The following GAD2 variants were observed in gnomAD, a reference collection of about 807,000 sequenced individuals.
The protein encoded by GAD2 is 65 kDa glutamic acid decarboxylase.
In GAD2, 22 loss-of-function variants were observed where a neutral mutation model predicts 80.1. The observed-to-expected ratio is 0.27, with a 90% CI of 0.20 to 0.39. GAD2 has a LOEUF of 0.39. Among genes scored for constraint, GAD2 ranks in the 10% least tolerant of loss-of-function variants. The pLI is 1.00. For missense variants in GAD2, 624 were observed against 738.4 expected, an observed-to-expected ratio of 0.85 and a Z score of 1.80; for synonymous variants, 274 against 256.9, an observed-to-expected ratio of 1.07 and a Z score of -0.64.
intron 8 of GAD2, among the ~76,000 whole-genome samples, chr10:26,264,778 A>T (rs1008223293): frequency 4.6e-5 from 7 of 152,324 alleles, no homozygotes; most frequent in African/African-American, 1.7e-4. Flanking sequence ...TAGTGCTGCT[A>T]TTATGTAAAC....
At chr10:26,258,601 A>G (rs1186867546) in intron 8 of GAD2, among the ~76,000 whole-genome samples, 11 of 152,052 alleles carry the variant, frequency 7.2e-5, no homozygotes, top group Admixed American at 5.9e-4. Flanking sequence ...TTTTACTACT[A>G]TGGGTACCTC....
intron 8 of GAD2, among the ~76,000 whole-genome samples, chr10:26,253,076 G>A (rs549240287): frequency 1.4e-3 from 207 of 152,166 alleles, no homozygotes; most frequent in African/African-American, 4.7e-3. Context: ...TTTGGACTAG[G>A]TTCTTTTAGA....
intron 4 of GAD2, among the ~76,000 whole-genome samples, chr10:26,222,552 C>G (rs962358874): frequency 6.6e-6 from 1 of 152,062 alleles, no homozygotes; most frequent in African/African-American, 2.4e-5. Flanking sequence ...AGCAAAAAAG[C>G]CTTCTCACCC....
chr10:26,229,877 C>G (rs1421286701), intron 7 of GAD2, 100 bp downstream of exon 7: 9 of 813,818 alleles, frequency 1.1e-5, no homozygotes, highest in Non-Finnish European at 1.8e-5. Flanking sequence ...GGCCCTCTTT[C>G]TGGAAGACAC....
At chr10:26,225,114 C>A (rs74129118) in intron 6 of GAD2, among the ~76,000 whole-genome samples, 2,697 of 152,306 alleles carry the variant, frequency 0.018, 91 homozygotes, top group African/African-American at 0.061. Flanking sequence ...AAATAACAAG[C>A]ACCAAAGTGG....
Position 26,245,966 on chromosome 10 carries a change from A to G in GAD2, c.886A>G (p.Thr296Ala), listed in dbSNP as rs1421524768. 6.2e-7 allele frequency: 1 copy of G among 1,614,044 alleles called. No homozygotes were observed. The highest frequency in any genetic ancestry group is 2.2e-5 in the East Asian group (1 of 44,902). Reference sequence around the variant, plus strand: ...GGGAGCTGCAGCCTTAGGGATTGGAACAGACAGCGTGATTCTGATTAAATG... The same window carrying G: ...GGGAGCTGCAGCCTTAGGGATTGGAGCAGACAGCGTGATTCTGATTAAATG... ...KKGAAALGIG[T>A]DSVILIKCDE... The change falls in exon 8 of 16, where the codon ACA becomes GCA. Residue 296 changes from threonine (T) to alanine (A), a missense_variant. By Grantham distance (58) the Thr-to-Ala change is moderately conservative. Transcript: ENST00000376261.
Position 26,281,043 on chromosome 10 carries a change from A to G in GAD2, c.1192A>G (p.Met398Val). ...NSVTWNPHKM[M>V]GVPLQCSALL... ...TGTGACGTGGAATCCACACAAGATG[A>G]TGGGAGTCCCTTTGCAGTGCTCTGC... The change falls in exon 12 of 16, where the codon ATG becomes GTG. Residue 398 changes from methionine (M) to valine (V), a missense_variant. By Grantham distance (21) the Met-to-Val change is conservative (BLOSUM62 1). Coordinates refer to ENST00000376261, the MANE Select transcript of GAD2 (RefSeq NM_001134366.2). 4 of 1,613,784 alleles carry G rather than the reference A, an allele frequency of 2.5e-6. No individual in the cohort carries two copies. The highest frequency in any genetic ancestry group is 2.5e-6 in the Non-Finnish European group (3 of 1,179,788).
At chr10:26,300,160 T>C (rs767612306) in intron 15 of GAD2, among the ~76,000 whole-genome samples, 1 of 152,184 alleles carries the variant, frequency 6.6e-6, no homozygotes, top group African/African-American at 2.4e-5. Context: ...TAGAGTATAA[T>C]CTCGTCTGTG....
chr10:26,239,119 C>T (rs1844710215), intron 7 of GAD2, among the ~76,000 whole-genome samples: 1 of 152,140 alleles, frequency 6.6e-6, no homozygotes, highest in Admixed American at 6.5e-5. Flanking sequence ...ACTAATTCCA[C>T]CCACAAAGGG....
At chr10:26,230,859 AG>A (rs1237301176) in intron 7 of GAD2, among the ~76,000 whole-genome samples, 2 of 152,018 alleles carry the variant, frequency 1.3e-5, no homozygotes, top group Non-Finnish European at 2.9e-5. Flanking sequence ...AGGCTGAGGC[AG>A]GTAGATCATT....
At chr10:26,262,848 T>C (rs984922185) in intron 8 of GAD2, among the ~76,000 whole-genome samples, 22 of 147,416 alleles carry the variant, frequency 1.5e-4, no homozygotes, top group Admixed American at 1.2e-3. Context: ...TTTATCATAA[T>C]CCTTTTTTTT....
intron 15 of GAD2, among the ~76,000 whole-genome samples, chr10:26,295,508 GCACACACACACACACA>G (rs61216190): frequency 6.0e-5 from 8 of 133,822 alleles, no homozygotes; most frequent in African/African-American, 1.2e-4. Context: ...TCATACGCAT[GCACACACACACACACA>G]CACACACACA....
At position 26,216,930 on chromosome 10, in the gene GAD2, G is replaced by A. The variant is rs200227201; in HGVS notation, c.76+45G>A. 2.4e-5 allele frequency: 37 copies of A among 1,548,344 alleles called. No homozygotes were observed. The Admixed American group carries it at 3.5e-4, about 14-fold the overall frequency. On this transcript the variant is annotated intron_variant, in intron 1 of 15. Coordinates refer to ENST00000376261, the MANE Select transcript of GAD2 (RefSeq NM_001134366.2). This position sits in a 1 kb window ranked among gnomAD's most constrained non-coding sequence, Gnocchi z 4.7. Reference sequence around the variant, plus strand: ...CCTGCGGCGGGCGAGTTTTGCGGTGGTCTGGGGTTTGCGGAACTACGGAGA... The same window carrying A: ...CCTGCGGCGGGCGAGTTTTGCGGTGATCTGGGGTTTGCGGAACTACGGAGA...
Position 26,273,639 on chromosome 10 carries a change from G to C in GAD2, c.1096G>C (p.Ala366Pro). The stretch of plus-strand genomic sequence containing the variant: ...TCCTCATATGATTTTTTTTCAGGCA[G>C]CTTGGGGTGGGGGATTACTGATGTC... ...KYKIWMHVDA[A>P]WGGGLLMSRK... Residue 366 changes from alanine (A) to proline (P), a missense_variant, in exon 11 of 16, where the codon GCT (alanine) becomes CCT (proline). By Grantham distance (27) the Ala-to-Pro change is conservative. Coordinates refer to ENST00000376261, the MANE Select transcript of GAD2 (RefSeq NM_001134366.2). 6.2e-7 allele frequency: 1 copy of C among 1,613,212 alleles called. No individual in the cohort carries two copies. The highest frequency in any genetic ancestry group is 8.5e-7 in the Non-Finnish European group (1 of 1,179,602).
At chr10:26,291,414 G>C (rs1380508311) in intron 13 of GAD2, among the ~76,000 whole-genome samples, 3 of 147,004 alleles carry the variant, frequency 2.0e-5, no homozygotes, top group Non-Finnish European at 2.9e-5. Flanking sequence ...CCGATTACCT[G>C]GGGGAGCAGT....
chr10:26,249,746 AAGGGGCCTGCCTG>A (rs1844855977), intron 8 of GAD2, among the ~76,000 whole-genome samples: 1 of 152,236 alleles, frequency 6.6e-6, no homozygotes, highest in Non-Finnish European at 1.5e-5. Flanking sequence ...TCATGGGAAC[AAGGGGCCTGCCTG>A]AGGACATCTG....
At chr10:26,280,873 A>G in intron 11 of GAD2, 136 bp from the exon 12 acceptor site, 1 of 540,806 alleles carries the variant, frequency 1.8e-6, no homozygotes, top group Non-Finnish European at 3.3e-6. Flanking sequence ...TTTAATTTTT[A>G]AAATTAAAAT....
chr10:26,261,178 A>G (rs1845005439), intron 8 of GAD2, among the ~76,000 whole-genome samples: 1 of 152,200 alleles, frequency 6.6e-6, no homozygotes. Flanking sequence ...AAAACATTTC[A>G]ATTTTTGGTA....
chr10:26,227,042 G>T (rs1261863353), intron 6 of GAD2, among the ~76,000 whole-genome samples: 1 of 151,990 alleles, frequency 6.6e-6, no homozygotes, highest in Non-Finnish European at 1.5e-5. Flanking sequence ...GCCAAGGCTG[G>T]AGTGCAGTGG....
Sources: allele counts gnomAD v4.1 joint callset (sites outside exome capture counted in the v4.1 genomes callset), GRCh38; gene constraint gnomAD v4.1.1; non-coding constraint Gnocchi (gnomAD v3.1); transcripts MANE v1.5; gene names NCBI Gene and HGNC (gene_info 2026-07-23, HGNC 2026-07-21).